TSHZ3: variants seen among roughly 807,000 people sequenced by gnomAD.
TSHZ3 encodes the protein teashirt homolog 3.
A neutral mutation model predicts 64.5 loss-of-function variants in TSHZ3; 10 were observed. The observed-to-expected ratio is 0.16, with a 90% CI of 0.10 to 0.26. The LOEUF (loss-of-function observed/expected upper bound fraction) is 0.26. TSHZ3 is among the 10% of genes least tolerant of loss of function. The probability of loss-of-function intolerance (pLI) is 1.00; values close to 1 mark genes in which losing one functional copy is unlikely to be tolerated. For synonymous variants in TSHZ3, 608 were observed against 593.1 expected (o/e 1.03, Z -0.36); for missense variants, 1,242 against 1,421.7 (o/e 0.87, Z 2.03).
chr19:31,180,866 G>A (rs1460273914), intron 5 of TSHZ3, among the ~76,000 whole-genome samples: 1 of 152,186 alleles, frequency 6.6e-6, no homozygotes, highest in Non-Finnish European at 1.5e-5. Flanking sequence ...GGGCAGGCAT[G>A]TAATTCTGTA....
intron 4 of TSHZ3, among the ~76,000 whole-genome samples, chr19:31,215,310 A>G (rs980236352): frequency 1.3e-5 from 2 of 152,240 alleles, no homozygotes; most frequent in Admixed American, 1.3e-4. Context: ...ATTTAATGAA[A>G]ACATTAAATT....
chr19:31,312,056 T>C lies in TSHZ3; in HGVS notation c.41-32304A>G, dbSNP rs542681980. 2.6e-5 allele frequency among the ~76,000 whole-genome samples: 4 copies of C among 152,298 alleles called. No individual in the cohort carries two copies. In the East Asian group the frequency reaches 7.8e-4, roughly 30 times the overall value. On this transcript the variant is annotated intron_variant, in intron 1 of 1. Coordinates refer to ENST00000240587, the MANE Select transcript of TSHZ3 (RefSeq NM_020856.4). Reference sequence around the variant, plus strand: ...TCCTCTTTAAATCCTGGCTTCTCCATGTCATGGCCTTTGAGTCTCAGTTTC... The same window carrying C: ...TCCTCTTTAAATCCTGGCTTCTCCACGTCATGGCCTTTGAGTCTCAGTTTC...
At chr19:31,334,740 T>TC (rs1425670775) in intron 1 of TSHZ3, among the ~76,000 whole-genome samples, 6 of 152,228 alleles carry the variant, frequency 3.9e-5, no homozygotes, top group African/African-American at 1.2e-4. Flanking sequence ...TTTCTCACCA[T>TC]AACATATGGC....
At chr19:31,272,128 C>T (rs117586255), downstream of TSHZ3, among the ~76,000 whole-genome samples, 2,380 of 152,172 alleles carry the variant, frequency 0.016, 34 homozygotes, top group Non-Finnish European at 0.025. Context: ...GTTTTCATCC[C>T]GGACTTGTTC....
intron 6 of TSHZ3, among the ~76,000 whole-genome samples, chr19:31,152,433 G>T (rs905308088): frequency 6.6e-6 from 1 of 152,080 alleles, no homozygotes; most frequent in Non-Finnish European, 1.5e-5. Context: ...GAGGATTGCC[G>T]CTTCAGGGGT....
intron 1 of TSHZ3, among the ~76,000 whole-genome samples, chr19:31,299,735 T>A (rs1462840969): frequency 6.6e-6 from 1 of 152,120 alleles, no homozygotes; most frequent in African/African-American, 2.4e-5. Context: ...CTGTGCAAAG[T>A]TCTCAGGACC....
At chr19:31,308,849 G>A (rs1462422152) in intron 1 of TSHZ3, 1 of 394,326 alleles carries the variant, frequency 2.5e-6, no homozygotes, top group East Asian at 3.6e-5. Context: ...AGAAAATGAG[G>A]CCCCAAACAG....
intron 1 of TSHZ3, among the ~76,000 whole-genome samples, chr19:31,301,398 C>T (rs2145143086): frequency 6.6e-6 from 1 of 152,324 alleles, no homozygotes; most frequent in South Asian, 2.1e-4. Context: ...GACAGGTGTA[C>T]AGAGGCAATT....
intron 1 of TSHZ3, among the ~76,000 whole-genome samples, chr19:31,301,445 G>T (rs1158682745): frequency 6.6e-6 from 1 of 152,200 alleles, no homozygotes; most frequent in Non-Finnish European, 1.5e-5. Context: ...TGCTGGGGCT[G>T]TGCACTCAAA....
chr19:31,198,612 T>C (rs1331649693), intron 5 of TSHZ3, among the ~76,000 whole-genome samples: 2 of 152,138 alleles, frequency 1.3e-5, no homozygotes, highest in African/African-American at 4.8e-5. Context: ...CACAAAAGTC[T>C]ATTGCTTTTC....
upstream of TSHZ3, among the ~76,000 whole-genome samples, chr19:31,350,562 T>C (rs1455513256): frequency 4.6e-5 from 7 of 150,950 alleles, no homozygotes. Context: ...CGCCGCGCCG[T>C]GTCCCGCGCC....
chr19:31,336,535 C>A (rs1275115452), intron 1 of TSHZ3, among the ~76,000 whole-genome samples: 1 of 152,198 alleles, frequency 6.6e-6, no homozygotes, highest in African/African-American at 2.4e-5. Flanking sequence ...CATGGAATGT[C>A]TTTCAAGCTT....
chr19:31,302,137 T>G (rs1976767439), intron 1 of TSHZ3, among the ~76,000 whole-genome samples: 1 of 152,184 alleles, frequency 6.6e-6, no homozygotes, highest in Non-Finnish European at 1.5e-5. Context: ...AGAGCCATGG[T>G]GCTGAGCCAT....
chr19:31,242,943 T>C (rs1599601390), intron 1 of TSHZ3, among the ~76,000 whole-genome samples: 2 of 152,168 alleles, frequency 1.3e-5, no homozygotes, highest in African/African-American at 4.8e-5. Flanking sequence ...CCCAGCAGAT[T>C]GGATGGTGCC....
chr19:31,270,866 C>T (rs1976125325), downstream of TSHZ3, among the ~76,000 whole-genome samples: 1 of 152,178 alleles, frequency 6.6e-6, no homozygotes, highest in African/African-American at 2.4e-5. Flanking sequence ...TTCTTATCAC[C>T]TTAATCATCA....
intron 1 of TSHZ3, chr19:31,348,859 A>C: frequency 3.3e-6 from 1 of 305,242 alleles, no homozygotes; most frequent in Non-Finnish European, 6.0e-6. Context: ...CCCGCCACCC[A>C]CAGAAAGAGC....
chr19:31,233,743 A>G (rs1975570606), intron 3 of TSHZ3, among the ~76,000 whole-genome samples: 1 of 152,144 alleles, frequency 6.6e-6, no homozygotes, highest in Admixed American at 6.5e-5. Flanking sequence ...ACTCATTTCA[A>G]ATTAATTCTT....
chr19:31,168,448 A>T (rs903638330), intron 5 of TSHZ3, among the ~76,000 whole-genome samples: 2 of 152,216 alleles, frequency 1.3e-5, no homozygotes, highest in African/African-American at 4.8e-5. Context: ...CCAAGCTGCG[A>T]TTGTCCAAAT....
At chr19:31,257,780 A>G (rs1975931280) in intron 1 of TSHZ3, among the ~76,000 whole-genome samples, 4 of 152,142 alleles carry the variant, frequency 2.6e-5, no homozygotes, top group African/African-American at 2.4e-5. Flanking sequence ...ACTAGTCACC[A>G]CCTATGCAGA....
Sources: gnomAD v4.1 joint callset for allele counts (sites outside exome capture counted in the v4.1 genomes callset) on GRCh38, gnomAD v4.1.1 for gene constraint, MANE v1.5 for transcripts, NCBI Gene and HGNC (gene_info 2026-07-23, HGNC 2026-07-21) for gene names.